The following SHOX2 variants were observed in gnomAD, a reference collection of about 807,000 sequenced individuals.
The protein encoded by SHOX2 is SHOX homeobox 2.
Under a neutral mutation model 31.3 loss-of-function variants are expected in SHOX2, and 13 were observed. The observed-to-expected ratio is 0.42, with a 90% CI of 0.27 to 0.66. SHOX2 has a LOEUF of 0.66. Among genes scored for constraint, SHOX2 ranks in the 30% least tolerant of loss-of-function variants. The pLI, the probability that SHOX2 is intolerant of heterozygous loss-of-function variation, is 0.27. For synonymous variants in SHOX2, 244 were observed against 196.2 expected, an observed-to-expected ratio of 1.24 and a Z score of -2.04; for missense variants, 473 against 443.0, an observed-to-expected ratio of 1.07 and a Z score of -0.61.
intron 2 of SHOX2, 116 bp from the exon 3 acceptor site, chr3:158,100,427 A>G: frequency 1.5e-6 from 1 of 651,562 alleles, no homozygotes; most frequent in Admixed American, 3.3e-5. Flanking sequence ...TGGGAGATAC[A>G]GCAAGCAATC....
intron 4 of SHOX2, 91 bp from the exon 5 acceptor site, chr3:158,098,375 G>C (rs1713273170): frequency 6.6e-7 from 1 of 1,517,542 alleles, no homozygotes. Context: ...CTTGGCCAGA[G>C]AGAGAGTTGG....
intron 1 of SHOX2, 143 bp downstream of exon 1, chr3:158,105,536 T>C: frequency 1.7e-6 from 1 of 584,312 alleles, no homozygotes; most frequent in South Asian, 1.8e-5. Flanking sequence ...CCTTCCACTA[T>C]CACTCTAGCT....
rs1371631950 is a variant in SHOX2, at chr3:158,105,769, C to T, written c.256G>A (p.Gly86Arg). 5.3e-6 allele frequency: 8 copies of T among 1,519,758 alleles called. No individual in the cohort carries two copies. The highest frequency in any genetic ancestry group is 6.2e-6 in the Non-Finnish European group (7 of 1,134,960). 94.1% of individuals were successfully genotyped at this position (1,519,758 alleles called of 1,614,324 possible). A position where few individuals can be genotyped will look rare whatever the true frequency, so the allele number is the denominator to read the frequency against. ...ACGGGAGAGCGCCCTCCTCCAGCTC[C>T]TCCGCCTGCTCCTCCTCCTCCTACA... is the stretch of plus-strand genomic sequence containing the variant. ...GGVGGGGAGG[G>R]AGGGRSPVRE... The change falls in exon 1 of 5, where the codon GGA becomes AGA. Residue 86 changes from glycine to arginine, a missense_variant. Transcript: ENST00000483851.
At chr3:158,099,128 G>C (rs4234320) in intron 4 of SHOX2, among the ~76,000 whole-genome samples, 135,576 of 152,222 alleles carry the variant, frequency 0.89, 60,532 homozygotes, top group East Asian at 1. Flanking sequence ...GACATCACAG[G>C]CATGCCAAGC....
At chr3:158,103,432 G>A in intron 1 of SHOX2, 1 of 177,790 alleles carries the variant, frequency 5.6e-6, no homozygotes, top group East Asian at 1.5e-4. Flanking sequence ...TCTAATTTAG[G>A]AACAATTGGG....
intron 1 of SHOX2, chr3:158,105,380 C>A: frequency 3.4e-6 from 2 of 594,442 alleles, no homozygotes; most frequent in Non-Finnish European, 3.0e-6. Context: ...GGGCTGCGGG[C>A]CCATCCTCCC....
chr3:158,106,235 A>C lies in SHOX2; in HGVS notation c.-211T>G. ...AGTAGAAGGAGAAAAAGAAGTAAGA[A>C]GAGGAGGAGGAGGAAGAAGAGGAAG... On this transcript the variant is annotated 5_prime_UTR_variant, in exon 1 of 5. Transcript: ENST00000483851. The C allele has an allele frequency of 1.4e-6, 1 of 714,550 alleles. No individual in the cohort carries two copies. The allele number at this position is 714,550 out of a possible 1,614,324, so 44.3% of individuals were successfully genotyped here.
chr3:158,104,744 C>A (rs1351912818), intron 1 of SHOX2, among the ~76,000 whole-genome samples: 1 of 152,114 alleles, frequency 6.6e-6, no homozygotes, highest in Admixed American at 6.6e-5. Flanking sequence ...AGGAACAGAC[C>A]GTGTCATAAA....
In SHOX2 at chr3:158,105,824, GCCT is replaced by G; in HGVS notation, c.198_200del (p.Gly77del). 1 of 1,460,600 alleles carries G rather than the reference GCCT, an allele frequency of 6.8e-7. No homozygotes were observed. Among genetic ancestry groups the G allele is most frequent in the Non-Finnish European group, 9.0e-7 (1 of 1,109,738 alleles). 90.5% of individuals were successfully genotyped at this position (1,460,600 alleles called of 1,614,324 possible). A position where few individuals can be genotyped will look rare whatever the true frequency, so the allele number is the denominator to read the frequency against. On this transcript the variant is annotated inframe_deletion, in exon 1 of 5. Transcript: ENST00000483851. ...CTCCGCCTCCTCCGCCGCCGCCTCC[GCCT>G]CCTCCGCCGCCGCCTCCGCCGGCCG...
chr3:158,102,891 A>G lies in SHOX2; in HGVS notation c.347-5T>C, dbSNP rs765121826. ...GATCTTTCAGCTCCGGGGACACTGG[A>G]GGGGGCACCCCAGCGGGGCCACACG... On this transcript the variant is annotated splice_polypyrimidine_tract_variant and splice_region_variant and intron_variant, in intron 1 of 4. Transcript: ENST00000483851. 6.2e-7 allele frequency: 1 copy of G among 1,613,576 alleles called. No homozygotes were observed. Among genetic ancestry groups the G allele is most frequent in the East Asian group, 2.2e-5 (1 of 44,858 alleles).
rs1056971335 is a variant in SHOX2 at position 158,102,113 on chromosome 3, C to G, written c.555+565G>C. Reference sequence around the variant, plus strand: ...TGACCAAAATGCGTTTATTTCTCCGCTATTTCACACACAGTTTGAGATCGA... The same window carrying G: ...TGACCAAAATGCGTTTATTTCTCCGGTATTTCACACACAGTTTGAGATCGA... On this transcript the variant is annotated intron_variant, in intron 2 of 4. Transcript: ENST00000483851. Among the ~76,000 whole-genome samples the G allele has an allele frequency of 5.9e-5, 9 of 152,224 alleles. 1 individual carries two copies. Among genetic ancestry groups the G allele is most frequent in the African/African-American group, 2.2e-4 (9 of 41,460 alleles).
intron 1 of SHOX2, chr3:158,103,091 A>C: frequency 1.6e-6 from 1 of 619,170 alleles, no homozygotes; most frequent in Non-Finnish European, 2.8e-6. Flanking sequence ...CGCAAAGGTC[A>C]AGTCTGAGCG....
At chr3:158,102,927 C>G in intron 1 of SHOX2, 41 bp from the exon 2 acceptor site, 2 of 1,514,210 alleles carry the variant, frequency 1.3e-6, no homozygotes, top group Non-Finnish European at 1.8e-6. Flanking sequence ...TGCATCCACA[C>G]GAACACACAC....
At chr3:158,104,490 A>G (rs925218592) in intron 1 of SHOX2, among the ~76,000 whole-genome samples, 1 of 152,262 alleles carries the variant, frequency 6.6e-6, no homozygotes, top group Non-Finnish European at 1.5e-5. Context: ...ACATTATAGT[A>G]AACATTATGG....
rs1195276495 is a variant in SHOX2, at chr3:158,096,235, G to T, written c.*1792C>A. On this transcript the variant is annotated 3_prime_UTR_variant, in exon 5 of 5. Transcript: ENST00000483851. ...GAACAAATAGTTACAAAGCTCAACC[G>T]CATACCAAAGTTCAGTTAGAAGAGC... The T allele has an allele frequency of 6.6e-6, 1 of 152,072 alleles. No individual in the cohort carries two copies. Among genetic ancestry groups the T allele is most frequent in the Non-Finnish European group, 1.5e-5 (1 of 68,008 alleles). 9.4% of individuals were successfully genotyped at this position (152,072 alleles called of 1,614,324 possible).
chr3:158,097,869 C>G lies in SHOX2; in HGVS notation c.*158G>C. ...CTGGTCCTGCGTGGAGTCTGGCTTT[C>G]CGAGTCCAAGATGCGATAGGGGACG... On this transcript the variant is annotated 3_prime_UTR_variant, in exon 5 of 5. Transcript: ENST00000483851. 9.2e-6 allele frequency: 9 copies of G among 977,988 alleles called. No individual in the cohort carries two copies. The highest frequency in any genetic ancestry group is 1.2e-5 in the Non-Finnish European group (8 of 658,992). The allele number at this position is 977,988 out of a possible 1,614,324, so 60.6% of individuals were successfully genotyped here.
At chr3:158,105,382 C>T in intron 1 of SHOX2, 1 of 593,516 alleles carries the variant, frequency 1.7e-6, no homozygotes, top group Non-Finnish European at 3.0e-6. Flanking sequence ...GCTGCGGGCC[C>T]ATCCTCCCGC....
intron 4 of SHOX2, 56 bp downstream of exon 4, chr3:158,099,804 G>T: frequency 1.6e-6 from 2 of 1,286,878 alleles, no homozygotes; most frequent in Non-Finnish European, 2.2e-6. Flanking sequence ...AACAGTTCAA[G>T]CAAACATTCA....
At chr3:158,098,411 C>A in intron 4 of SHOX2, 127 bp from the exon 5 acceptor site, 1 of 1,191,864 alleles carries the variant, frequency 8.4e-7, no homozygotes, top group Non-Finnish European at 1.2e-6. Flanking sequence ...GGGGAGAGGG[C>A]ATTTGGCTGT....
Sources: allele counts gnomAD v4.1 joint callset (sites outside exome capture counted in the v4.1 genomes callset), GRCh38; gene constraint gnomAD v4.1.1; transcripts MANE v1.5; gene names NCBI Gene and HGNC (gene_info 2026-07-23, HGNC 2026-07-21).